ASIC2: variants seen among roughly 807,000 people sequenced by gnomAD.
ASIC2 encodes acid-sensing ion channel 2.
In ASIC2, 25 loss-of-function variants were observed where a neutral mutation model predicts 57.3. The observed-to-expected ratio is 0.44, with a 90% CI of 0.32 to 0.61. ASIC2 has a LOEUF of 0.61. Among genes scored for constraint, ASIC2 ranks in the 20% least tolerant of loss-of-function variants. ASIC2 has a pLI of 0.06. For missense variants in ASIC2, 641 were observed against 738.1 expected (o/e 0.87, Z 1.52); for synonymous variants, 319 against 307.5 (o/e 1.04, Z -0.39).
At chr17:33,852,913 T>C (rs1466688621) in intron 1 of ASIC2, among the ~76,000 whole-genome samples, 1 of 152,158 alleles carries the variant, frequency 6.6e-6, no homozygotes, top group Non-Finnish European at 1.5e-5. Context: ...CAGAATGCAG[T>C]ACCAACACAA....
intron 3 of ASIC2, among the ~76,000 whole-genome samples, chr17:33,055,653 C>T (rs574652813): frequency 6.6e-6 from 1 of 152,284 alleles, no homozygotes; most frequent in African/African-American, 2.4e-5. Context: ...TAAGAAACCT[C>T]AAGTCCAGGG....
intron 1 of ASIC2, among the ~76,000 whole-genome samples, chr17:34,084,282 C>T (rs1464620483): frequency 1.3e-5 from 2 of 152,088 alleles, no homozygotes; most frequent in Non-Finnish European, 2.9e-5. Context: ...GTTTTCCCAG[C>T]ACCATTTATT....
chr17:33,579,135 C>T (rs1916766626), intron 1 of ASIC2, among the ~76,000 whole-genome samples: 1 of 151,816 alleles, frequency 6.6e-6, no homozygotes, highest in Non-Finnish European at 1.5e-5. Flanking sequence ...AAATATAAAA[C>T]AGTAGCCAGG....
chr17:33,737,993 A>C (rs1244225079), intron 1 of ASIC2, among the ~76,000 whole-genome samples: 1 of 152,236 alleles, frequency 6.6e-6, no homozygotes, highest in Admixed American at 6.5e-5. Context: ...AAAATAAGGA[A>C]TATGGAACTA....
chr17:34,099,764 AAGAAAGAAAGAAAGAAAG>A (rs1910778621), intron 1 of ASIC2, among the ~76,000 whole-genome samples: 1 of 24,796 alleles, frequency 4.0e-5, no homozygotes, highest in African/African-American at 1.2e-4. Context: ...GAAAGAAAGA[AAGAAAGAAAGAAAGAAAG>A]AAAGAAAGAA....
At chr17:33,177,818 C>A (rs377421999) in intron 1 of ASIC2, among the ~76,000 whole-genome samples, 2 of 152,162 alleles carry the variant, frequency 1.3e-5, no homozygotes, top group Non-Finnish European at 2.9e-5. Context: ...GTCTTGAACA[C>A]CTACTGTGGG....
At chr17:33,235,262 A>G (rs319766) in intron 1 of ASIC2, among the ~76,000 whole-genome samples, 107,792 of 152,056 alleles carry the variant, frequency 0.71, 38,539 homozygotes, top group Middle Eastern at 0.81. Context: ...CCTTCCCAGG[A>G]TCAGGTAGTC....
intron 1 of ASIC2, among the ~76,000 whole-genome samples, chr17:33,789,685 G>GTC (rs1248168177): frequency 6.6e-6 from 1 of 151,924 alleles, no homozygotes; most frequent in Non-Finnish European, 1.5e-5. Context: ...TTGTGTGTGT[G>GTC]TGTATTGAGT....
chr17:33,629,234 C>G (rs1414984135), intron 1 of ASIC2, among the ~76,000 whole-genome samples: 1 of 147,620 alleles, frequency 6.8e-6, no homozygotes, highest in Non-Finnish European at 1.5e-5. Context: ...TGCTCTCTGC[C>G]AGCTTTTCTT....
intron 1 of ASIC2, among the ~76,000 whole-genome samples, chr17:33,622,461 T>C (rs1567671940): frequency 1.3e-5 from 2 of 152,138 alleles, no homozygotes; most frequent in Non-Finnish European, 2.9e-5. Context: ...GTGCAAAATA[T>C]GGCTAAATTC....
rs561233824 is a variant in ASIC2 at position 33,721,688 on chromosome 17, G to A, written c.555+434290C>T. 9.8e-5 allele frequency among the ~76,000 whole-genome samples: 15 copies of A among 152,318 alleles called. No individual in the cohort carries two copies. The South Asian group carries it at 3.1e-3, about 32-fold the overall frequency. On this transcript the variant is annotated intron_variant, in intron 1 of 9. Transcript: ENST00000359872. ...GGCATGTGCCACTGGGCCCAGGAGA[G>A]GAAATCTATTTTGGATGCAATGGTT...
intron 1 of ASIC2, among the ~76,000 whole-genome samples, chr17:33,751,054 T>C (rs1193055019): frequency 6.6e-6 from 1 of 152,092 alleles, no homozygotes; most frequent in Non-Finnish European, 1.5e-5. Flanking sequence ...GTTGAGTTTG[T>C]GTTTTGATAT....
chr17:33,067,350 G>A (rs192574877), intron 3 of ASIC2, among the ~76,000 whole-genome samples: 3 of 152,306 alleles, frequency 2.0e-5, no homozygotes, highest in Non-Finnish European at 4.4e-5. Flanking sequence ...GAGGTGGCAT[G>A]GAAGGAAGTG....
chr17:33,787,263 T>C (rs1911633819), intron 1 of ASIC2, among the ~76,000 whole-genome samples: 1 of 152,240 alleles, frequency 6.6e-6, no homozygotes, highest in Non-Finnish European at 1.5e-5. Flanking sequence ...GAGCTATTAC[T>C]ACCTTTTTGG....
intron 1 of ASIC2, 71 bp downstream of exon 1, chr17:33,291,336 CG>C: frequency 2.7e-6 from 4 of 1,507,770 alleles, no homozygotes; most frequent in Non-Finnish European, 3.5e-6. Context: ...CCCGAGGGGG[CG>C]GAACACCAGG....
intron 1 of ASIC2, among the ~76,000 whole-genome samples, chr17:33,847,813 G>A (rs1358549332): frequency 6.6e-6 from 1 of 152,186 alleles, no homozygotes; most frequent in Non-Finnish European, 1.5e-5. Context: ...CAGTGGAGGG[G>A]AGCCTGGGAA....
At chr17:33,724,835 T>TAC (rs10685018) in intron 1 of ASIC2, among the ~76,000 whole-genome samples, 31,155 of 150,732 alleles carry the variant, frequency 0.21, 4,511 homozygotes, top group African/African-American at 0.42. Context: ...CCCCAACACA[T>TAC]ACACACACAC....
chr17:33,573,710 T>C (rs536682918), intron 1 of ASIC2, among the ~76,000 whole-genome samples: 1 of 152,146 alleles, frequency 6.6e-6, no homozygotes, highest in East Asian at 1.9e-4. Flanking sequence ...GGACTACAGG[T>C]GCATACCACC....
intron 1 of ASIC2, chr17:33,976,781 T>C (rs1905403504): frequency 6.6e-6 from 1 of 151,728 alleles, no homozygotes; most frequent in Admixed American, 6.6e-5. Flanking sequence ...AGGACAAACT[T>C]GTTCCTGCTG....
Sources: allele counts gnomAD v4.1 joint callset (sites outside exome capture counted in the v4.1 genomes callset), GRCh38; gene constraint gnomAD v4.1.1; transcripts MANE v1.5; gene names NCBI Gene and HGNC (gene_info 2026-07-23, HGNC 2026-07-21).